The following VAT1L variants were observed in gnomAD, a reference collection of about 807,000 sequenced individuals.
VAT1L encodes the protein vesicle amine transport 1 like.
VAT1L carries 34 observed loss-of-function variants against 44.1 expected under a neutral mutation model. The observed-to-expected ratio is 0.77, with a 90% CI of 0.59 to 1.03. The LOEUF is 1.03. Among genes scored for constraint, VAT1L ranks in the 50% least tolerant of loss-of-function variants. The pLI is 0.00. For missense variants in VAT1L, 615 were observed against 538.8 expected, an observed-to-expected ratio of 1.14 and a Z score of -1.40; for synonymous variants, 253 against 202.2, an observed-to-expected ratio of 1.25 and a Z score of -2.13.
intron 7 of VAT1L, among the ~76,000 whole-genome samples, chr16:77,925,310 A>G (rs188260042): frequency 5.9e-5 from 9 of 152,300 alleles, no homozygotes; most frequent in Non-Finnish European, 1.2e-4. Context: ...TGGCCAAACC[A>G]TCTACCCCTT....
chr16:77,788,976 G>A, intron 1 of VAT1L, 61 bp downstream of exon 1: 1 of 1,422,106 alleles, frequency 7.0e-7, no homozygotes, highest in Non-Finnish European at 9.2e-7. Flanking sequence ...TGGGGAGGGG[G>A]TGGGAAAGCT....
chr16:77,896,972 A>C (rs750055869), intron 7 of VAT1L, among the ~76,000 whole-genome samples: 7 of 152,234 alleles, frequency 4.6e-5, no homozygotes, highest in African/African-American at 9.6e-5. Context: ...AAAGACTGGA[A>C]AGTTTCTATT....
intron 3 of VAT1L, among the ~76,000 whole-genome samples, chr16:77,853,175 G>A (rs1185259431): frequency 2.0e-5 from 3 of 152,324 alleles, no homozygotes; most frequent in South Asian, 2.1e-4. Flanking sequence ...CCGGTGCACC[G>A]TGGCCAAGCA....
intron 7 of VAT1L, among the ~76,000 whole-genome samples, chr16:77,891,427 C>T (rs778833392): frequency 7.9e-5 from 12 of 152,216 alleles, no homozygotes; most frequent in Admixed American, 6.5e-4. Flanking sequence ...TGCAGCACAG[C>T]TATAGAACTG....
intron 3 of VAT1L, among the ~76,000 whole-genome samples, chr16:77,832,959 C>A (rs1303740195): frequency 6.6e-6 from 1 of 152,218 alleles, no homozygotes; most frequent in Non-Finnish European, 1.5e-5. Context: ...CCATCTACAG[C>A]ATCACCGCAG....
At chr16:77,898,858 A>C (rs1432381880) in intron 7 of VAT1L, among the ~76,000 whole-genome samples, 1 of 152,256 alleles carries the variant, frequency 6.6e-6, no homozygotes, top group African/African-American at 2.4e-5. Context: ...TGAACAGCAC[A>C]AATGATAAAC....
At chr16:77,874,174 T>G (rs2017063213) in intron 4 of VAT1L, among the ~76,000 whole-genome samples, 1 of 151,932 alleles carries the variant, frequency 6.6e-6, no homozygotes, top group African/African-American at 2.4e-5. Context: ...CTAATATTGG[T>G]GAGGCTGCTT....
chr16:77,827,131 T>C lies in VAT1L; in HGVS notation c.579+1670T>C, dbSNP rs75796465. Among the ~76,000 whole-genome samples, 30 of 152,318 alleles carry C rather than the reference T, an allele frequency of 2.0e-4. No individual in the cohort carries two copies. The East Asian group carries it at 5.6e-3, about 28-fold the overall frequency. ...CAAATTTGCTGATACCTTTCGACCA[T>C]GAATAAAGACATATAAAAGCTAAGC... On this transcript the variant is annotated intron_variant, in intron 3 of 8. Coordinates refer to ENST00000302536, the MANE Select transcript of VAT1L (RefSeq NM_020927.3).
intron 1 of VAT1L, among the ~76,000 whole-genome samples, chr16:77,790,038 C>G (rs1327158472): frequency 6.6e-6 from 1 of 152,206 alleles, no homozygotes; most frequent in Non-Finnish European, 1.5e-5. Flanking sequence ...AAAGCAGCAG[C>G]CAGCTCACGA....
chr16:77,810,982 T>C (rs1338759019), intron 1 of VAT1L, among the ~76,000 whole-genome samples: 1 of 152,188 alleles, frequency 6.6e-6, no homozygotes, highest in Non-Finnish European at 1.5e-5. Context: ...TGGCAGTCTG[T>C]CTCTTAATTG....
intron 8 of VAT1L, among the ~76,000 whole-genome samples, chr16:77,975,541 G>T (rs934586764): frequency 3.3e-5 from 5 of 152,042 alleles, no homozygotes. Flanking sequence ...ACTCAGCCCC[G>T]AATCTGCCCA....
Position 77,977,810 on chromosome 16 carries a change from T to C in VAT1L, c.*115T>C. ...TGTAGTCCAGTGCGTGTCGTGTTTG[T>C]CTGCAGTCAGCTGAGCTAAAAAGCT... On this transcript the variant is annotated 3_prime_UTR_variant, in exon 9 of 9. Transcript: ENST00000302536. 1 of 1,027,640 alleles carries C rather than the reference T, an allele frequency of 9.7e-7. No individual in the cohort carries two copies. The highest frequency in any genetic ancestry group is 1.4e-6 in the Non-Finnish European group (1 of 692,910). The allele number at this position is 1,027,640 out of a possible 1,614,324, so 63.7% of individuals were successfully genotyped here.
At chr16:77,910,228 G>A (rs542573062) in intron 7 of VAT1L, among the ~76,000 whole-genome samples, 21 of 152,296 alleles carry the variant, frequency 1.4e-4, no homozygotes, top group Admixed American at 1.2e-3. Flanking sequence ...AAGAGAAAAT[G>A]AAAACTTGGG....
chr16:77,955,302 A>G (rs895413588), intron 7 of VAT1L, among the ~76,000 whole-genome samples: 1 of 152,258 alleles, frequency 6.6e-6, no homozygotes, highest in African/African-American at 2.4e-5. Flanking sequence ...ACAACGGGGT[A>G]GCGCTACTGA....
chr16:77,882,996 G>A (rs899916747), intron 6 of VAT1L, among the ~76,000 whole-genome samples: 1 of 152,090 alleles, frequency 6.6e-6, no homozygotes, highest in Non-Finnish European at 1.5e-5. Flanking sequence ...CTCCGAATGT[G>A]CTTTTGTAAA....
At chr16:77,949,834 G>T (rs2018018762) in intron 7 of VAT1L, among the ~76,000 whole-genome samples, 1 of 152,210 alleles carries the variant, frequency 6.6e-6, no homozygotes, top group African/African-American at 2.4e-5. Flanking sequence ...GACTAATACA[G>T]CAGGTGAGGC....
Position 77,788,640 on chromosome 16 carries a change from A to C in VAT1L, c.-43A>C, listed in dbSNP as rs1322935634. 6 of 1,541,082 alleles carry C rather than the reference A, an allele frequency of 3.9e-6. No homozygotes were observed. Among genetic ancestry groups the C allele is most frequent in the Admixed American group, 2.0e-5 (1 of 50,276 alleles). On this transcript the variant is annotated 5_prime_UTR_variant, in exon 1 of 9. Transcript: ENST00000302536. Reference sequence around the variant, plus strand: ...GCCCCACTCCCCCAGCGCCGCAGCCACCGCAGCCACCGCAGCCCGTGCGCC... The same window carrying C: ...GCCCCACTCCCCCAGCGCCGCAGCCCCCGCAGCCACCGCAGCCCGTGCGCC...
At chr16:77,812,326 G>A (rs2016279993) in intron 1 of VAT1L, among the ~76,000 whole-genome samples, 2 of 152,108 alleles carry the variant, frequency 1.3e-5, no homozygotes, top group African/African-American at 4.8e-5. Context: ...ACCTGTCTCG[G>A]CCTCCCAAAG....
chr16:77,796,128 G>A (rs774212025), intron 1 of VAT1L, among the ~76,000 whole-genome samples: 4 of 152,146 alleles, frequency 2.6e-5, no homozygotes, highest in Non-Finnish European at 4.4e-5. Flanking sequence ...CACCTGGCCA[G>A]TTGCTTAGCT....
Sources: gnomAD v4.1 joint callset for allele counts (sites outside exome capture counted in the v4.1 genomes callset) on GRCh38, gnomAD v4.1.1 for gene constraint, MANE v1.5 for transcripts, NCBI Gene and HGNC (gene_info 2026-07-23, HGNC 2026-07-21) for gene names.